Variants in BBS7 observed in about 807,000 individuals in gnomAD.
The protein encoded by BBS7 is BBSome complex member BBS7.
BBS7 carries 50 observed loss-of-function variants against 90.3 expected under a neutral mutation model. The ratio of observed to expected loss-of-function variants is 0.55; its 90% confidence interval spans 0.44 to 0.70. The LOEUF is 0.70. Ranked by LOEUF, BBS7 falls within the 30% of genes least tolerant of loss-of-function variation. The pLI is 0.00. For synonymous variants in BBS7, 235 were observed against 287.4 expected, an observed-to-expected ratio of 0.82 and a Z score of 1.85; for missense variants, 729 against 838.9, an observed-to-expected ratio of 0.87 and a Z score of 1.62.
At chr4:121,860,627 C>T (rs1351267944) in intron 4 of BBS7, among the ~76,000 whole-genome samples, 2 of 152,092 alleles carry the variant, frequency 1.3e-5, no homozygotes, top group African/African-American at 4.8e-5. Context: ...TTATCATTGG[C>T]CATGTCTATA....
chr4:121,870,228 C>G, intron 1 of BBS7, 50 bp downstream of exon 1: 1 of 1,610,380 alleles, frequency 6.2e-7, no homozygotes, highest in African/African-American at 1.3e-5. Context: ...GAATCCTCTC[C>G]GGGTGCTGGG....
At chr4:121,826,361 A>C (rs1288229965) in intron 18 of BBS7, among the ~76,000 whole-genome samples, 1 of 152,238 alleles carries the variant, frequency 6.6e-6, no homozygotes, top group African/African-American at 2.4e-5. Flanking sequence ...TTAACAGCTT[A>C]TCTGAATTAA....
At chr4:121,858,829 G>T in intron 5 of BBS7, 163 bp downstream of exon 5, 4 of 696,568 alleles carry the variant, frequency 5.7e-6, no homozygotes, top group Non-Finnish European at 9.2e-6. Flanking sequence ...CAACACATTT[G>T]ACTCAAGTTA....
At chr4:121,829,688 A>C (rs572984615) in intron 15 of BBS7, among the ~76,000 whole-genome samples, 1 of 152,248 alleles carries the variant, frequency 6.6e-6, no homozygotes, top group East Asian at 1.9e-4. Flanking sequence ...ACCCCTGACC[A>C]CAGTGGTTCA....
intron 1 of BBS7, 131 bp from the exon 2 acceptor site, chr4:121,868,177 TAATGAGA>T: frequency 2.6e-6 from 2 of 762,600 alleles, no homozygotes; most frequent in Non-Finnish European, 2.3e-6. Context: ...ATTTATTTTC[TAATGAGA>T]TATGTCATAT....
chr4:121,845,651 C>T lies in BBS7; in HGVS notation c.1083G>A (p.Glu361=). 2.5e-6 allele frequency: 4 copies of T among 1,613,240 alleles called. No homozygotes were observed. Among genetic ancestry groups the T allele is most frequent in the Non-Finnish European group, 3.4e-6 (4 of 1,179,510 alleles). ...HLQYKVLQER[E]NYQQSSQSSK... ...TTGATTGAGAAGACTGTTGATAATTCTCTCTTTCCTGCAATACCTTATACT... is the reference window on the plus strand; with the variant it reads ...TTGATTGAGAAGACTGTTGATAATTTTCTCTTTCCTGCAATACCTTATACT... The change falls in exon 11 of 19, where the codon GAG becomes GAA. Residue 361 remains glutamate (E), a synonymous_variant. Coordinates refer to ENST00000264499, the MANE Select transcript of BBS7 (RefSeq NM_176824.3).
rs1483392453 is a variant in BBS7, at chr4:121,839,783, T to C, written c.1306-87A>G. ...CATCAATAATAATAATGGTTACCAT[T>C]TGCTTAAGCACCTGTCATTGGTGCT... On this transcript the variant is annotated intron_variant, in intron 12 of 18. Transcript: ENST00000264499. 10 of 1,186,650 alleles carry C rather than the reference T, an allele frequency of 8.4e-6. No homozygotes were observed. The African/African-American group carries it at 1.5e-4, about 18-fold the overall frequency. 73.5% of individuals were successfully genotyped at this position (1,186,650 alleles called of 1,614,324 possible).
intron 8 of BBS7, among the ~76,000 whole-genome samples, chr4:121,851,345 T>C (rs1726307327): frequency 1.4e-5 from 2 of 140,746 alleles, no homozygotes; most frequent in South Asian, 4.4e-4. Flanking sequence ...CTCTGCACAC[T>C]GCCTATGGGG....
chr4:121,866,910 T>C (rs1195744870), intron 2 of BBS7, among the ~76,000 whole-genome samples: 5 of 152,204 alleles, frequency 3.3e-5, no homozygotes, highest in Admixed American at 2.6e-4. Context: ...TTTGGCTATT[T>C]GGGGTCTTTG....
At chr4:121,854,632 G>T in intron 7 of BBS7, 72 bp downstream of exon 7, 2 of 1,409,856 alleles carry the variant, frequency 1.4e-6, no homozygotes, top group Non-Finnish European at 1.9e-6. Flanking sequence ...AGATAAAATA[G>T]AATAAATTAT....
intron 1 of BBS7, among the ~76,000 whole-genome samples, chr4:121,868,860 C>T (rs1236552623): frequency 6.6e-6 from 1 of 151,860 alleles, no homozygotes; most frequent in Admixed American, 6.6e-5. Flanking sequence ...GAGGATGGGA[C>T]CAATGGGAGA....
In BBS7 at chr4:121,870,447, T is replaced by C; in HGVS notation, c.-134A>G. ...GCCAGCCCCAGCTACCGCGCCTAGGTCCTGGGCTGCACAGGCGGGGCGACA... is the reference window on the plus strand; with the variant it reads ...GCCAGCCCCAGCTACCGCGCCTAGGCCCTGGGCTGCACAGGCGGGGCGACA... On this transcript the variant is annotated 5_prime_UTR_variant, in exon 1 of 19. Transcript: ENST00000264499. 2 of 943,940 alleles carry C rather than the reference T, an allele frequency of 2.1e-6. No individual in the cohort carries two copies. The highest frequency in any genetic ancestry group is 2.8e-5 in the South Asian group (2 of 72,174). The allele number at this position is 943,940 out of a possible 1,614,324, so 58.5% of individuals were successfully genotyped here.
chr4:121,855,681 T>A, intron 5 of BBS7, 120 bp from the exon 6 acceptor site: 1 of 949,384 alleles, frequency 1.1e-6, no homozygotes, highest in Non-Finnish European at 1.6e-6. Context: ...AAAATTGCTT[T>A]AAAAATTAGG....
intron 2 of BBS7, 81 bp downstream of exon 2, chr4:121,867,900 A>C: frequency 8.3e-7 from 1 of 1,206,316 alleles, no homozygotes; most frequent in Non-Finnish European, 1.2e-6. Flanking sequence ...TAAGAGAATA[A>C]CTTAATAATA....
At chr4:121,868,169 T>A in intron 1 of BBS7, 123 bp from the exon 2 acceptor site, 1 of 793,880 alleles carries the variant, frequency 1.3e-6, no homozygotes, top group South Asian at 1.4e-5. Flanking sequence ...AGTAATTAAT[T>A]TATTTTCTAA....
At chr4:121,835,612 A>G (rs181885272) in intron 13 of BBS7, among the ~76,000 whole-genome samples, 29 of 152,294 alleles carry the variant, frequency 1.9e-4, no homozygotes, top group Admixed American at 1.9e-3. Context: ...ATTTTTTGCA[A>G]ATGTTGCACT....
At position 121,855,500 on chromosome 4, in the gene BBS7, T is replaced by C. The variant is rs770553026; in HGVS notation, c.590A>G (p.Asn197Ser). 1.5e-5 allele frequency: 25 copies of C among 1,613,272 alleles called. No individual in the cohort carries two copies. Among genetic ancestry groups the C allele is most frequent in the South Asian group, 1.4e-4 (13 of 91,072 alleles). Residue 197 changes from asparagine (N) to serine (S), a missense_variant, in exon 6 of 19, where the codon AAT becomes AGT. Asn to Ser is a conservative substitution (Grantham distance 46). Coordinates refer to ENST00000264499, the MANE Select transcript of BBS7 (RefSeq NM_176824.3). The part of the protein sequence containing the change: ...PGPPTVLALH[N>S]GNGGDSGEDL... The stretch of plus-strand genomic sequence containing the variant: ...AAAATCCTGATTACCGCCATTTCCA[T>C]TGTGTAGTGCTAAGACAGTAGGGGG...
chr4:121,847,983 T>C (rs929209257), intron 9 of BBS7, among the ~76,000 whole-genome samples: 4 of 152,082 alleles, frequency 2.6e-5, no homozygotes, highest in Non-Finnish European at 5.9e-5. Flanking sequence ...GACATGTACA[T>C]AGTCCAAAAC....
chr4:121,848,195 C>T (rs1726121157), intron 9 of BBS7, among the ~76,000 whole-genome samples: 1 of 152,162 alleles, frequency 6.6e-6, no homozygotes, highest in South Asian at 2.1e-4. Context: ...ACTAATACAG[C>T]AGCCTCCCCT....
Sources: gnomAD v4.1 joint callset for allele counts (sites outside exome capture counted in the v4.1 genomes callset) on GRCh38, gnomAD v4.1.1 for gene constraint, MANE v1.5 for transcripts, NCBI Gene and HGNC (gene_info 2026-07-23, HGNC 2026-07-21) for gene names.